The following KCNQ5 variants were observed in gnomAD, a reference collection of about 807,000 sequenced individuals.
KCNQ5 encodes potassium voltage-gated channel subfamily KQT member 5.
In KCNQ5, 30 loss-of-function variants were observed where a neutral mutation model predicts 98.2. That is an observed-to-expected ratio of 0.31 (90% CI 0.23 to 0.41). KCNQ5 has a LOEUF of 0.41. Ranked by LOEUF, KCNQ5 falls within the 10% of genes least tolerant of loss-of-function variation. KCNQ5 has a pLI of 1.00. For synonymous variants in KCNQ5, 458 were observed against 449.4 expected, an observed-to-expected ratio of 1.02 and a Z score of -0.24; for missense variants, 835 against 1,182.5, an observed-to-expected ratio of 0.71 and a Z score of 4.31.
intron 1 of KCNQ5, among the ~76,000 whole-genome samples, chr6:72,694,967 T>A (rs1365902616): frequency 1.3e-5 from 2 of 152,176 alleles, no homozygotes; most frequent in Non-Finnish European, 2.9e-5. Context: ...TGGTATTGGT[T>A]TTTTATTTCT....
At chr6:72,978,541 T>G (rs968109600) in intron 1 of KCNQ5, among the ~76,000 whole-genome samples, 2 of 152,242 alleles carry the variant, frequency 1.3e-5, no homozygotes, top group African/African-American at 4.8e-5. Flanking sequence ...GACTCAGTGA[T>G]GAGACAACAA....
At chr6:72,786,426 AG>A (rs1773744782) in intron 1 of KCNQ5, among the ~76,000 whole-genome samples, 1 of 152,230 alleles carries the variant, frequency 6.6e-6, no homozygotes, top group Non-Finnish European at 1.5e-5. Flanking sequence ...AAAATAAATA[AG>A]TAAATAAATA....
At chr6:72,894,538 G>A (rs568012853) in intron 1 of KCNQ5, among the ~76,000 whole-genome samples, 1 of 152,276 alleles carries the variant, frequency 6.6e-6, no homozygotes, top group South Asian at 2.1e-4. Context: ...AAATTTCTTT[G>A]TAGATCAAAT....
intron 3 of KCNQ5, among the ~76,000 whole-genome samples, chr6:73,063,710 AGATAGATAGAT>A (rs1562156248): frequency 8.8e-4 from 108 of 122,464 alleles, no homozygotes; most frequent in Non-Finnish European, 5.3e-4. Flanking sequence ...ATAGATAGAT[AGATAGATAGAT>A]GATAGATAGA....
At chr6:72,689,783 G>GT (rs5877332) in intron 1 of KCNQ5, among the ~76,000 whole-genome samples, 170 of 141,990 alleles carry the variant, frequency 1.2e-3, no homozygotes, top group East Asian at 2.8e-3. Context: ...GAAAACAAGC[G>GT]TTTTTTTTTT....
At chr6:73,032,037 A>G (rs1771174994) in intron 2 of KCNQ5, among the ~76,000 whole-genome samples, 2 of 152,176 alleles carry the variant, frequency 1.3e-5, no homozygotes, top group African/African-American at 4.8e-5. Context: ...AAGCCGTACT[A>G]TCTCTTATCT....
chr6:73,069,316 G>T (rs1056936833), intron 3 of KCNQ5, among the ~76,000 whole-genome samples: 3 of 151,886 alleles, frequency 2.0e-5, no homozygotes, highest in Admixed American at 6.6e-5. Flanking sequence ...CTTTTTTAAT[G>T]TATGGAATTT....
chr6:72,726,797 G>C (rs1336408756), intron 1 of KCNQ5, among the ~76,000 whole-genome samples: 2 of 152,150 alleles, frequency 1.3e-5, no homozygotes, highest in Admixed American at 1.3e-4. Context: ...ACAAAAAGCA[G>C]GAGCAAAAAC....
At chr6:72,676,941 T>TTTC (rs10648409) in intron 1 of KCNQ5, among the ~76,000 whole-genome samples, 68,173 of 151,730 alleles carry the variant, frequency 0.45, 16,434 homozygotes, top group African/African-American at 0.6. Context: ...AGTTAGTACT[T>TTTC]TTTTCAGCTT....
At chr6:72,648,099 A>T (rs778847150) in intron 1 of KCNQ5, among the ~76,000 whole-genome samples, 2 of 152,150 alleles carry the variant, frequency 1.3e-5, no homozygotes, top group East Asian at 3.8e-4. Flanking sequence ...ATGGTAATTA[A>T]GTTTGATAAT....
At chr6:72,645,433 A>T (rs1277859290) in intron 1 of KCNQ5, among the ~76,000 whole-genome samples, 1 of 151,256 alleles carries the variant, frequency 6.6e-6, no homozygotes, top group East Asian at 1.9e-4. Flanking sequence ...TCAATAAAAA[A>T]CCCCACCAAA....
intron 1 of KCNQ5, among the ~76,000 whole-genome samples, chr6:72,970,915 A>T (rs1171025457): frequency 6.6e-6 from 1 of 152,214 alleles, no homozygotes; most frequent in Non-Finnish European, 1.5e-5. Flanking sequence ...AACCTAGGCA[A>T]TACCATTCAG....
At chr6:73,013,294 A>G (rs1048884941) in intron 2 of KCNQ5, among the ~76,000 whole-genome samples, 2 of 152,136 alleles carry the variant, frequency 1.3e-5, no homozygotes, top group African/African-American at 4.8e-5. Context: ...GTCTGATGAC[A>G]GTGCTTGTGG....
intron 1 of KCNQ5, among the ~76,000 whole-genome samples, chr6:72,693,120 A>G (rs1471044745): frequency 6.6e-6 from 1 of 152,202 alleles, no homozygotes; most frequent in Non-Finnish European, 1.5e-5. Context: ...TAACTTATAG[A>G]TAATAATTAA....
At chr6:72,754,992 T>C (rs1771893111) in intron 1 of KCNQ5, among the ~76,000 whole-genome samples, 1 of 152,042 alleles carries the variant, frequency 6.6e-6, no homozygotes, top group Non-Finnish European at 1.5e-5. Context: ...TTCATGTCTG[T>C]TAGTTTTTTG....
chr6:72,987,177 G>A (rs746821721), intron 1 of KCNQ5: 1 of 682,844 alleles, frequency 1.5e-6, no homozygotes, highest in South Asian at 1.5e-5. Context: ...CAAGAAGGTA[G>A]AGCAGCCAAT....
chr6:73,005,763 G>A (rs1353055125), intron 2 of KCNQ5, among the ~76,000 whole-genome samples: 1 of 152,192 alleles, frequency 6.6e-6, no homozygotes, highest in Non-Finnish European at 1.5e-5. Flanking sequence ...TGCAGATGAG[G>A]CCTTTGTTTT....
At chr6:72,857,315 G>C (rs375169286) in intron 1 of KCNQ5, among the ~76,000 whole-genome samples, 3 of 151,800 alleles carry the variant, frequency 2.0e-5, no homozygotes, top group East Asian at 3.9e-4. Context: ...GGCAATGAGA[G>C]AATTTTTAAT....
chr6:72,647,431 C>A (rs1230607677), intron 1 of KCNQ5, among the ~76,000 whole-genome samples: 4 of 138,062 alleles, frequency 2.9e-5, no homozygotes, highest in South Asian at 4.7e-4. Context: ...GGCTGTACAA[C>A]AACCCAGAAA....
Sources: allele counts gnomAD v4.1 joint callset (sites outside exome capture counted in the v4.1 genomes callset), GRCh38; gene constraint gnomAD v4.1.1; transcripts MANE v1.5; gene names NCBI Gene and HGNC (gene_info 2026-07-23, HGNC 2026-07-21).